The following THSD7A variants were observed in gnomAD, a reference collection of about 807,000 sequenced individuals.
The protein encoded by THSD7A is thrombospondin type-1 domain-containing protein 7A.
Under a neutral mutation model 231.3 loss-of-function variants are expected in THSD7A, and 96 were observed. The observed-to-expected ratio is 0.41, with a 90% CI of 0.35 to 0.49. THSD7A has a LOEUF of 0.49. THSD7A is among the 20% of genes least tolerant of loss of function. THSD7A has a pLI of 0.05. For missense variants in THSD7A, 2,290 were observed against 2,070.2 expected (o/e 1.11, Z -2.06); for synonymous variants, 940 against 743.3 (o/e 1.26, Z -4.30).
At chr7:11,420,593 C>T (rs531299592) in intron 16 of THSD7A, among the ~76,000 whole-genome samples, 61 of 152,308 alleles carry the variant, frequency 4.0e-4, no homozygotes, top group Admixed American at 1.4e-3. Flanking sequence ...CAGTGTGAAG[C>T]AGAAATGTGG....
Position 11,772,208 on chromosome 7 carries a change from C to CAA in THSD7A, c.190+59547_190+59548dup, listed in dbSNP as rs113430931. On this transcript the variant is annotated intron_variant, in intron 1 of 27. Transcript: ENST00000423059. ...AATTATTATTATTAAAAAGTTAAAA[C>CAA]AAAAAAAAACAAAACAAAACAGATG... 7.2e-4 allele frequency among the ~76,000 whole-genome samples: 104 copies of CAA among 144,764 alleles called. 2 individuals are homozygous for CAA. Among genetic ancestry groups the CAA allele is most frequent in the South Asian group, 1.9e-3 (9 of 4,630 alleles). 95.0% of individuals were successfully genotyped at this position (144,764 alleles called of 152,430 possible).
intron 1 of THSD7A, among the ~76,000 whole-genome samples, chr7:11,773,966 A>C (rs1783320061): frequency 6.6e-6 from 1 of 152,188 alleles, no homozygotes; most frequent in Non-Finnish European, 1.5e-5. Context: ...GAAGTTATAA[A>C]TAACCCAAGT....
At chr7:11,777,960 T>TA (rs1300670242) in intron 1 of THSD7A, among the ~76,000 whole-genome samples, 3 of 144,782 alleles carry the variant, frequency 2.1e-5, no homozygotes, top group Non-Finnish European at 4.5e-5. Context: ...CCATCCCGGC[T>TA]AAAACGGTGA....
At chr7:11,739,031 T>C (rs1350447522) in intron 1 of THSD7A, among the ~76,000 whole-genome samples, 4 of 152,020 alleles carry the variant, frequency 2.6e-5, no homozygotes, top group Non-Finnish European at 2.9e-5. Context: ...ATGTGAAGCA[T>C]GTAGATCAGT....
At chr7:11,727,339 T>C (rs574812122) in intron 1 of THSD7A, among the ~76,000 whole-genome samples, 77 of 152,048 alleles carry the variant, frequency 5.1e-4, no homozygotes, top group African/African-American at 1.8e-3. Flanking sequence ...ATTTTACTTT[T>C]CATTCTAATA....
chr7:11,733,385 A>C (rs555719771), intron 1 of THSD7A, among the ~76,000 whole-genome samples: 1 of 152,076 alleles, frequency 6.6e-6, no homozygotes, highest in African/African-American at 2.4e-5. Flanking sequence ...AATGACATTT[A>C]ATGTTAAAAA....
intron 1 of THSD7A, among the ~76,000 whole-genome samples, chr7:11,719,458 C>G (rs908142356): frequency 6.6e-6 from 1 of 151,476 alleles, no homozygotes; most frequent in Non-Finnish European, 1.5e-5. Flanking sequence ...ATCATTTTTT[C>G]AATTTCATAA....
At chr7:11,407,246 G>A (rs1280069837) in intron 20 of THSD7A, 60 bp downstream of exon 20, 1 of 1,475,194 alleles carries the variant, frequency 6.8e-7, no homozygotes, top group Non-Finnish European at 9.3e-7. Context: ...AAAGCAAGAG[G>A]GATATTTTAT....
intron 4 of THSD7A, among the ~76,000 whole-genome samples, chr7:11,561,838 A>T (rs1401854574): frequency 6.6e-6 from 1 of 151,272 alleles, no homozygotes; most frequent in Non-Finnish European, 1.5e-5. Flanking sequence ...GCAACAGAGC[A>T]ACTCTGTGTC....
At chr7:11,583,252 T>G (rs1016770501) in intron 4 of THSD7A, among the ~76,000 whole-genome samples, 2 of 152,106 alleles carry the variant, frequency 1.3e-5, no homozygotes. Flanking sequence ...CTTTAATAAG[T>G]TTTTAGCATT....
At position 11,462,542 on chromosome 7, in the gene THSD7A, G is replaced by C. The variant is rs181287836; in HGVS notation, c.2369-399C>G. Among the ~76,000 whole-genome samples, 313 of 152,086 alleles carry C rather than the reference G, an allele frequency of 2.1e-3. 3 individuals are homozygous for C. Among genetic ancestry groups the C allele is most frequent in the African/African-American group, 6.7e-3 (279 of 41,406 alleles). ...TTTATCACATGGGACTCATACACAT[G>C]TAATGAATCTTCTTTAGGAGAATAT... On this transcript the variant is annotated intron_variant, in intron 9 of 27. Coordinates refer to ENST00000423059, the MANE Select transcript of THSD7A (RefSeq NM_015204.3).
chr7:11,377,376 G>A lies in THSD7A; in HGVS notation c.4802-719C>T, dbSNP rs1175851449. ...GTTCTATGCTCCGAATAAACTTCAA[G>A]CACAAGATGTTATTAATGATATTGG... On this transcript the variant is annotated intron_variant, in intron 26 of 27. Coordinates refer to ENST00000423059, the MANE Select transcript of THSD7A (RefSeq NM_015204.3). The surrounding 1 kb of genome is among the most constrained non-coding windows in gnomAD (Gnocchi z 4.5). Among the ~76,000 whole-genome samples the A allele has an allele frequency of 6.6e-6, 1 of 152,006 alleles. No individual in the cohort carries two copies. The highest frequency in any genetic ancestry group is 2.4e-5 in the African/African-American group (1 of 41,436).
chr7:11,813,829 G>A (rs1784603132), intron 1 of THSD7A, among the ~76,000 whole-genome samples: 1 of 151,932 alleles, frequency 6.6e-6, no homozygotes, highest in African/African-American at 2.4e-5. Flanking sequence ...TAACTCCTAA[G>A]TATATATTCA....
chr7:11,804,747 G>GTGA (rs1417524397), intron 1 of THSD7A, among the ~76,000 whole-genome samples: 1 of 152,100 alleles, frequency 6.6e-6, no homozygotes, highest in Non-Finnish European at 1.5e-5. Flanking sequence ...TTTAAATATT[G>GTGA]TGACTGAATT....
rs201614495 is a variant in THSD7A, at chr7:11,831,821, C to T, written c.126G>A (p.Pro42=). Residue 42 remains proline, a synonymous_variant, in exon 1 of 28, where the codon CCG becomes CCA. Transcript: ENST00000423059. The surrounding 1 kb of genome is among the most constrained non-coding windows in gnomAD (Gnocchi z 5.0). ...CCTGCGCCGCAGCCCTGCCGGCGCC[C>T]GGGCGTAGCAGCAGCAGCAGGAGCA... The part of the protein sequence containing the change: ...LPLLLLLLLR[P]GAGRAAAQGE... The T allele has an allele frequency of 7.7e-4, 1,113 of 1,443,304 alleles. No individual in the cohort carries two copies. Among genetic ancestry groups the T allele is most frequent in the Admixed American group, 1.4e-3 (62 of 43,596 alleles). The allele number at this position is 1,443,304 out of a possible 1,614,324, so 89.4% of individuals were successfully genotyped here. A position where few individuals can be genotyped will look rare whatever the true frequency, so the allele number is the denominator to read the frequency against.
chr7:11,525,475 T>C (rs1562685240), intron 6 of THSD7A, among the ~76,000 whole-genome samples: 2 of 152,264 alleles, frequency 1.3e-5, no homozygotes, highest in African/African-American at 2.4e-5. Context: ...AACTTACTAC[T>C]TACAAGTAAT....
intron 4 of THSD7A, among the ~76,000 whole-genome samples, chr7:11,556,438 C>T (rs28): frequency 0.48 from 71,888 of 151,316 alleles, 17,440 homozygotes; most frequent in Middle Eastern, 0.6. Flanking sequence ...TTAAATATAT[C>T]GTCTACGTAT....
At chr7:11,461,023 CT>C (rs1273103022) in intron 10 of THSD7A, among the ~76,000 whole-genome samples, 1 of 152,128 alleles carries the variant, frequency 6.6e-6, no homozygotes, top group Non-Finnish European at 1.5e-5. Flanking sequence ...AACATTTAGA[CT>C]TTTTAATGAT....
At chr7:11,448,185 G>A (rs1367256707) in intron 11 of THSD7A, among the ~76,000 whole-genome samples, 1 of 151,932 alleles carries the variant, frequency 6.6e-6, no homozygotes, top group African/African-American at 2.4e-5. Flanking sequence ...AAAAATCAAA[G>A]TTTAAATTCA....
Sources: allele counts gnomAD v4.1 joint callset (sites outside exome capture counted in the v4.1 genomes callset), GRCh38; gene constraint gnomAD v4.1.1; non-coding constraint Gnocchi (gnomAD v3.1); transcripts MANE v1.5; gene names NCBI Gene and HGNC (gene_info 2026-07-23, HGNC 2026-07-21).